Variants in ARB2A observed in about 807,000 individuals in gnomAD.
ARB2A encodes cotranscriptional regulator ARB2A.
the ARB2A span, among the ~76,000 whole-genome samples, chr5:93,842,291 C>T: frequency 6.6e-6 from 1 of 152,164 alleles, no homozygotes; most frequent in Non-Finnish European, 1.5e-5. Flanking sequence ...CAGTCATGTA[C>T]ACTTGTTTAT....
At chr5:93,654,490 C>A in the ARB2A span, among the ~76,000 whole-genome samples, 1 of 152,138 alleles carries the variant, frequency 6.6e-6, no homozygotes, top group African/African-American at 2.4e-5. Context: ...TTCAGAATGC[C>A]TAGTTGTGGG....
chr5:93,958,026 G>T, the ARB2A span, among the ~76,000 whole-genome samples: 22 of 151,938 alleles, frequency 1.4e-4, no homozygotes, highest in Middle Eastern at 6.8e-3. Context: ...AAATTGGGCT[G>T]TTCACTATGG....
chr5:94,074,294 C>T, the ARB2A span, among the ~76,000 whole-genome samples: 2 of 151,954 alleles, frequency 1.3e-5, no homozygotes, highest in Non-Finnish European at 2.9e-5. Context: ...AATACAGAAA[C>T]AGACAGATCA....
chr5:93,626,713 A>G, the ARB2A span, among the ~76,000 whole-genome samples: 2 of 152,252 alleles, frequency 1.3e-5, no homozygotes, highest in Non-Finnish European at 2.9e-5. Context: ...TAATCATCTG[A>G]GTTTTTAGCA....
At chr5:94,079,239 A>G in the ARB2A span, among the ~76,000 whole-genome samples, 6 of 152,340 alleles carry the variant, frequency 3.9e-5, no homozygotes, top group Admixed American at 3.9e-4. Context: ...TCTTATTAAA[A>G]TGCATGCTTG....
chr5:93,709,115 CAT>C, the ARB2A span, among the ~76,000 whole-genome samples: 2 of 144,138 alleles, frequency 1.4e-5, no homozygotes, highest in Non-Finnish European at 3.0e-5. Context: ...AAGGTATACA[CAT>C]GTCAATCACC....
the ARB2A span, among the ~76,000 whole-genome samples, chr5:93,708,682 ACAGGCCAGGGAC>A: frequency 6.6e-6 from 1 of 152,058 alleles, no homozygotes; most frequent in Admixed American, 6.5e-5. Context: ...CCAGTTCCTA[ACAGGCCAGGGAC>A]CAGTACTGGT....
At chr5:93,911,918 C>T in the ARB2A span, among the ~76,000 whole-genome samples, 1 of 151,658 alleles carries the variant, frequency 6.6e-6, no homozygotes, top group Non-Finnish European at 1.5e-5. Context: ...TGCTTCAGAA[C>T]ATCTCCACAG....
At chr5:93,869,282 G>A in the ARB2A span, among the ~76,000 whole-genome samples, 1 of 152,312 alleles carries the variant, frequency 6.6e-6, no homozygotes, top group Non-Finnish European at 1.5e-5. Context: ...AAGGTTGTGG[G>A]AGTAGAGAGA....
the ARB2A span, among the ~76,000 whole-genome samples, chr5:93,864,323 AAAG>A: frequency 2.6e-5 from 4 of 152,190 alleles, no homozygotes; most frequent in Non-Finnish European, 5.9e-5. Context: ...GGTGAAAGCA[AAAG>A]AAGAAAATAA....
chr5:93,965,554 T>C, the ARB2A span, among the ~76,000 whole-genome samples: 2 of 151,994 alleles, frequency 1.3e-5, no homozygotes, highest in African/African-American at 4.8e-5. Flanking sequence ...AAAATCAACA[T>C]ACTATTTCTG....
chr5:93,993,964 C>A, the ARB2A span, among the ~76,000 whole-genome samples: 1 of 151,984 alleles, frequency 6.6e-6, no homozygotes, highest in East Asian at 1.9e-4. Flanking sequence ...GCATGGGCCA[C>A]CTGAGGCAGG....
At chr5:93,631,405 G>C in the ARB2A span, among the ~76,000 whole-genome samples, 20 of 152,286 alleles carry the variant, frequency 1.3e-4, no homozygotes, top group Non-Finnish European at 1.9e-4. Flanking sequence ...GTTGCCACAA[G>C]GTCTTGCCTC....
the ARB2A span, among the ~76,000 whole-genome samples, chr5:93,729,194 T>C: frequency 6.6e-6 from 1 of 152,094 alleles, no homozygotes; most frequent in Admixed American, 6.6e-5. Flanking sequence ...TGTTTCCATA[T>C]ATTTCCACTG....
At chr5:93,761,814 G>T in the ARB2A span, among the ~76,000 whole-genome samples, 1 of 152,206 alleles carries the variant, frequency 6.6e-6, no homozygotes, top group African/African-American at 2.4e-5. Context: ...CCGAGTAGGG[G>T]CAGACTGACA....
the ARB2A span, among the ~76,000 whole-genome samples, chr5:94,110,176 C>T: frequency 2.0e-5 from 3 of 152,114 alleles, no homozygotes; most frequent in Admixed American, 6.5e-5. Flanking sequence ...TGAGCCACCG[C>T]GCCCTGCCTT....
the ARB2A span, among the ~76,000 whole-genome samples, chr5:93,712,367 G>A: frequency 2.6e-5 from 4 of 152,282 alleles, no homozygotes; most frequent in African/African-American, 9.6e-5. Context: ...ACCAGAAGCA[G>A]CAACAAAGAT....
chr5:93,772,453 T>C, the ARB2A span, among the ~76,000 whole-genome samples: 1 of 151,886 alleles, frequency 6.6e-6, no homozygotes, highest in East Asian at 1.9e-4. Flanking sequence ...ACTTAAAGTA[T>C]AATAATAATA....
At chr5:93,907,558 A>G in the ARB2A span, among the ~76,000 whole-genome samples, 1 of 151,476 alleles carries the variant, frequency 6.6e-6, no homozygotes, top group Admixed American at 6.6e-5. Flanking sequence ...GATGGAATTC[A>G]TACTCTCACA....
Sources: allele counts gnomAD v4.1 joint callset (sites outside exome capture counted in the v4.1 genomes callset), GRCh38; gene constraint gnomAD v4.1.1; transcripts MANE v1.5; gene names NCBI Gene and HGNC (gene_info 2026-07-23, HGNC 2026-07-21).